The following PTPRC variants were observed in gnomAD, a reference collection of about 807,000 sequenced individuals.
PTPRC encodes the protein protein tyrosine phosphatase receptor type C.
In PTPRC, 44 loss-of-function variants were observed where a neutral mutation model predicts 155.9. The ratio of observed to expected loss-of-function variants is 0.28; its 90% CI spans 0.22 to 0.36. The LOEUF (loss-of-function observed/expected upper bound fraction) is 0.36, where lower values mean the gene tolerates loss of function less well. Ranked by LOEUF, PTPRC falls within the 10% of genes least tolerant of loss-of-function variation. The probability of loss-of-function intolerance (pLI) is 1.00; values close to 1 mark genes in which losing one functional copy is unlikely to be tolerated. For missense variants in PTPRC, 1,401 were observed against 1,564.6 expected (o/e 0.90, Z 1.76); for synonymous variants, 525 against 533.1 (o/e 0.98, Z 0.21).
intron 16 of PTPRC, 41 bp from the exon 17 acceptor site, chr1:198,729,096 C>A: frequency 6.2e-7 from 1 of 1,601,232 alleles, no homozygotes; most frequent in Non-Finnish European, 8.5e-7. Context: ...GAATTTTGTG[C>A]TTCTTGAGAA....
intron 14 of PTPRC, among the ~76,000 whole-genome samples, chr1:198,718,774 C>T (rs12094628): frequency 0.016 from 2,362 of 152,186 alleles, 53 homozygotes; most frequent in African/African-American, 0.054. Context: ...GTCTACTGAT[C>T]GTATTTTGTA....
intron 2 of PTPRC, among the ~76,000 whole-genome samples, chr1:198,684,986 A>G (rs1179120190): frequency 6.6e-6 from 1 of 152,032 alleles, no homozygotes; most frequent in Non-Finnish European, 1.5e-5. Context: ...GGAGCTCATA[A>G]ATTCATGTGC....
Position 198,718,090 on chromosome 1 carries a change from A to G in PTPRC, c.1451-4A>G. On this transcript the variant is annotated splice_region_variant and splice_polypyrimidine_tract_variant and intron_variant, in intron 13 of 32. Transcript: ENST00000442510. ...TAATAACAAATCTTTCTTCATTTTG[A>G]TAGCTCCAAGCCAGGTCTGGAACAT... 2 of 1,604,574 alleles carry G rather than the reference A, an allele frequency of 1.2e-6. No individual in the cohort carries two copies. Among genetic ancestry groups the G allele is most frequent in the Non-Finnish European group, 1.7e-6 (2 of 1,171,280 alleles).
intron 22 of PTPRC, among the ~76,000 whole-genome samples, 172 bp downstream of exon 22, chr1:198,734,597 T>G (rs1048939318): frequency 1.3e-5 from 2 of 151,746 alleles, no homozygotes; most frequent in African/African-American, 4.8e-5. Context: ...AACTAAAACT[T>G]TTAACATACA....
chr1:198,742,476 A>G lies in PTPRC; in HGVS notation c.2697+109A>G, dbSNP rs1267202381. 2.2e-6 allele frequency: 3 copies of G among 1,354,950 alleles called. No homozygotes were observed. In the East Asian group the frequency reaches 7.2e-5, roughly 32 times the overall value. 83.9% of individuals were successfully genotyped at this position (1,354,950 alleles called of 1,614,324 possible). ...AAAATCCAAATTCTTCACAACCTCA[A>G]ACAGTAGATGATTTCCTGAAAACTA... On this transcript the variant is annotated intron_variant, in intron 25 of 32. Transcript: ENST00000442510.
intron 15 of PTPRC, among the ~76,000 whole-genome samples, chr1:198,723,561 T>C (rs1330188172): frequency 6.6e-6 from 1 of 152,230 alleles, no homozygotes; most frequent in Non-Finnish European, 1.5e-5. Context: ...TTTTCTTTTA[T>C]AATATCTTTA....
rs1187038347 is a variant in PTPRC at position 198,752,162 on chromosome 1, C to T, written c.3208-87C>T. The T allele has an allele frequency of 3.5e-6, 5 of 1,420,488 alleles. No individual in the cohort carries two copies. The East Asian group carries it at 9.2e-5, about 26-fold the overall frequency. 88.0% of individuals were successfully genotyped at this position (1,420,488 alleles called of 1,614,324 possible). ...TCATTTAATAGAAAAGAGGCACAGA[C>T]AGAGAAAGAAAGGGAGAAAGAGGGA... On this transcript the variant is annotated intron_variant, in intron 29 of 32. Coordinates refer to ENST00000442510, the MANE Select transcript of PTPRC (RefSeq NM_002838.5).
In PTPRC at chr1:198,714,192, A is replaced by AT. The variant is rs1041102577; in HGVS notation, c.1291+1130dup. On this transcript the variant is annotated intron_variant, in intron 12 of 32. Transcript: ENST00000442510. ...TAGCTTCTATGGGAACACATTGTTC[A>AT]TTTTTTTTTTCTCTTCTCTGAATCT... Among the ~76,000 whole-genome samples, 421 of 149,052 alleles carry AT rather than the reference A, an allele frequency of 2.8e-3. 4 individuals are homozygous for AT. Among genetic ancestry groups the AT allele is most frequent in the African/African-American group, 9.2e-3 (371 of 40,546 alleles).
intron 3 of PTPRC, among the ~76,000 whole-genome samples, chr1:198,695,742 T>C (rs1666171364): frequency 6.6e-6 from 1 of 152,236 alleles, no homozygotes; most frequent in Non-Finnish European, 1.5e-5. Flanking sequence ...TGTATCTCTT[T>C]GTTATCATGA....
chr1:198,657,905 T>C (rs1244867783), intron 2 of PTPRC: 1 of 152,178 alleles, frequency 6.6e-6, no homozygotes, highest in Non-Finnish European at 1.5e-5. Context: ...ATTTGTGGCA[T>C]CTCTTCCACA....
rs187501032 is a variant in PTPRC, at chr1:198,749,734, T to C, written c.3072+185T>C. ...CTTAATGAAAGATTTAAAAATACTA[T>C]AACCTAATAACCTGAGACAAAATAA... On this transcript the variant is annotated intron_variant, in intron 28 of 32. Transcript: ENST00000442510. Among the ~76,000 whole-genome samples, 11 of 151,998 alleles carry C rather than the reference T, an allele frequency of 7.2e-5. No homozygotes were observed. The East Asian group carries it at 2.1e-3, about 30-fold the overall frequency.
intron 2 of PTPRC, among the ~76,000 whole-genome samples, chr1:198,642,162 G>A (rs1218645750): frequency 1.3e-5 from 2 of 152,024 alleles, no homozygotes; most frequent in African/African-American, 4.8e-5. Flanking sequence ...GTGTAAGTAA[G>A]TATAGGGGCA....
At chr1:198,656,893 G>A (rs1663613218) in intron 2 of PTPRC, among the ~76,000 whole-genome samples, 1 of 151,732 alleles carries the variant, frequency 6.6e-6, no homozygotes, top group Non-Finnish European at 1.5e-5. Flanking sequence ...AGACCTGTTG[G>A]AGGACTAAAG....
At chr1:198,642,933 T>TTTCTTTCTTTCC (rs1662701166) in intron 2 of PTPRC, among the ~76,000 whole-genome samples, 1 of 149,210 alleles carries the variant, frequency 6.7e-6, no homozygotes, top group African/African-American at 2.5e-5. Flanking sequence ...TCTTTCTTTC[T>TTTCTTTCTTTCC]TTCTTTCTTT....
At chr1:198,753,491 A>C (rs1243463189) in intron 31 of PTPRC, among the ~76,000 whole-genome samples, 1 of 151,994 alleles carries the variant, frequency 6.6e-6, no homozygotes, top group Non-Finnish European at 1.5e-5. Context: ...CTAGTGAAAA[A>C]CTTTTGGAAT....
chr1:198,731,766 C>G, intron 18 of PTPRC, 40 bp downstream of exon 18: 2 of 1,428,784 alleles, frequency 1.4e-6, no homozygotes, highest in Non-Finnish European at 2.0e-6. Context: ...AATTCGACAT[C>G]AAGACAGTTC....
At chr1:198,642,220 T>C (rs1433546104) in intron 2 of PTPRC, among the ~76,000 whole-genome samples, 1 of 152,050 alleles carries the variant, frequency 6.6e-6, no homozygotes, top group Non-Finnish European at 1.5e-5. Flanking sequence ...GACTATTTGC[T>C]ATCCTCTCAC....
chr1:198,660,282 C>A (rs1378149585), intron 2 of PTPRC, among the ~76,000 whole-genome samples: 1 of 151,590 alleles, frequency 6.6e-6, no homozygotes, highest in African/African-American at 2.4e-5. Context: ...ACTGGTATTT[C>A]TTCAATTTAC....
At chr1:198,755,005 A>T (rs975244022) in intron 32 of PTPRC, among the ~76,000 whole-genome samples, 1 of 152,134 alleles carries the variant, frequency 6.6e-6, no homozygotes, top group Non-Finnish European at 1.5e-5. Context: ...GCCTATTCAC[A>T]TTAAAGCAGC....
Sources: allele counts gnomAD v4.1 joint callset (sites outside exome capture counted in the v4.1 genomes callset), GRCh38; gene constraint gnomAD v4.1.1; transcripts MANE v1.5; gene names NCBI Gene and HGNC (gene_info 2026-07-23, HGNC 2026-07-21).